Variants in THAP4 observed in about 807,000 individuals in gnomAD.
THAP4 encodes peroxynitrite isomerase THAP4.
THAP4 carries 18 observed loss-of-function variants against 48.1 expected under a neutral mutation model. The ratio of observed to expected loss-of-function variants is 0.37; its 90% CI spans 0.26 to 0.56. THAP4 has a LOEUF of 0.56. Ranked by LOEUF, THAP4 falls within the 20% of genes least tolerant of loss-of-function variation. The pLI, the probability that THAP4 is intolerant of heterozygous loss-of-function variation, is 0.78. For synonymous variants in THAP4, 345 were observed against 324.9 expected (o/e 1.06, Z -0.66); for missense variants, 656 against 774.9 (o/e 0.85, Z 1.82).
At chr2:241,637,348 G>C, upstream of THAP4, 1 of 1,308,728 alleles carries the variant, frequency 7.6e-7, no homozygotes, top group Non-Finnish European at 9.9e-7. Context: ...TGGGCGCGCC[G>C]AGCACGTCCG....
intron 5 of THAP4, among the ~76,000 whole-genome samples, chr2:241,589,243 C>A (rs953017989): frequency 6.6e-6 from 1 of 150,720 alleles, no homozygotes; most frequent in African/African-American, 2.4e-5. Flanking sequence ...AAAGAAACCC[C>A]CCACCCCCAC....
rs531630187 is a variant in THAP4 at position 241,613,007 on chromosome 2, G to A, written c.1241-6534C>T. On this transcript the variant is annotated intron_variant, in intron 2 of 5. Coordinates refer to ENST00000407315, the MANE Select transcript of THAP4 (RefSeq NM_015963.6). ...GTTGAAATAATTTTTAGATAATATC[G>A]GGTTAAATAAAATATATTATTAAAA... Among the ~76,000 whole-genome samples the A allele has an allele frequency of 1.4e-4, 21 of 152,142 alleles. No homozygotes were observed. The South Asian group carries it at 3.1e-3, about 23-fold the overall frequency.
chr2:241,595,235 G>A (rs576423864), intron 5 of THAP4, among the ~76,000 whole-genome samples: 2 of 152,048 alleles, frequency 1.3e-5, no homozygotes, highest in Non-Finnish European at 2.9e-5. Context: ...GGCTGGTCTC[G>A]AATTCCTGAC....
At chr2:241,603,188 A>T in intron 3 of THAP4, 109 bp from the exon 4 acceptor site, 1 of 773,608 alleles carries the variant, frequency 1.3e-6, no homozygotes, top group Non-Finnish European at 2.2e-6. Flanking sequence ...TGCTCCAGCC[A>T]CACCCGCACA....
Position 241,615,231 on chromosome 2 carries a change from T to C in THAP4, c.1241-8758A>G, listed in dbSNP as rs544366146. Among the ~76,000 whole-genome samples the C allele has an allele frequency of 6.8e-4, 104 of 152,246 alleles. 2 individuals are homozygous for C. The South Asian group carries it at 0.021, about 31-fold the overall frequency. ...TTGGAGGGGAGTGCAAAGGAGAACC[T>C]GGACCGCTGGACGTGGGTGTGGCTG... On this transcript the variant is annotated intron_variant, in intron 2 of 5. Coordinates refer to ENST00000407315, the MANE Select transcript of THAP4 (RefSeq NM_015963.6).
rs1486316117 is a variant in THAP4, at chr2:241,633,585, T to C, written c.572A>G (p.Glu191Gly). The C allele has an allele frequency of 6.2e-7, 1 of 1,613,634 alleles. No homozygotes were observed. Among genetic ancestry groups the C allele is most frequent in the Non-Finnish European group, 8.5e-7 (1 of 1,179,906 alleles). The change falls in exon 2 of 6, where the codon GAA (glutamate) becomes GGA (glycine). Residue 191 changes from glutamate (E) to glycine (G), a missense_variant. This residue lies in a region of THAP4 where 391 missense variants were observed against 412.4 expected (regional missense o/e 0.95). Transcript: ENST00000407315. The surrounding 1 kb of genome is among the most constrained non-coding windows in gnomAD (Gnocchi z 7.5). ...ATCGCCAGCATCTGTGGCAGACGCT[T>C]CTGCTTTTCCCTGACTGCCTGCCAC... is the stretch of plus-strand genomic sequence containing the variant. ...TMVAGSQGKAEASATDAGDES... is the reference protein window; with the variant it reads ...TMVAGSQGKAGASATDAGDES...
rs1412674646 is a variant in THAP4 at position 241,610,822 on chromosome 2, G to GGACAGAGACACAGA, written c.1241-4363_1241-4350dup. Among the ~76,000 whole-genome samples the GGACAGAGACACAGA allele has an allele frequency of 2.0e-5, 3 of 151,884 alleles. No homozygotes were observed. The highest frequency in any genetic ancestry group is 4.4e-5 in the Non-Finnish European group (3 of 67,998). ...CCAGGGACAGCGAGAGACGGGACGG[G>GGACAGAGACACAGA]GACAGAGACACAGAGACAGAGAGAC... On this transcript the variant is annotated intron_variant, in intron 2 of 5. Transcript: ENST00000407315. This position sits in a 1 kb window ranked among gnomAD's most constrained non-coding sequence, Gnocchi z 4.2.
At chr2:241,591,597 C>T (rs1386344565) in intron 5 of THAP4, among the ~76,000 whole-genome samples, 1 of 152,118 alleles carries the variant, frequency 6.6e-6, no homozygotes, top group East Asian at 1.9e-4. Flanking sequence ...TACTGAGGGG[C>T]TCAGGGGGCA....
chr2:241,636,970 C>T lies in THAP4; in HGVS notation c.48G>A (p.Lys16=), dbSNP rs764661550. The change falls in exon 1 of 6, where the codon AAG becomes AAA. Residue 16 remains lysine, a synonymous_variant. Coordinates refer to ENST00000407315, the MANE Select transcript of THAP4 (RefSeq NM_015963.6). ...AAVNCSNRQG[K]GEKRAVSFHR... ...GGAAGGAGACGGCGCGCTTCTCGCC[C>T]TTTCCCTGCCGGTTGGAGCAGTTCA... 6.8e-6 allele frequency: 9 copies of T among 1,321,928 alleles called. No homozygotes were observed. The highest frequency in any genetic ancestry group is 5.0e-5 in the South Asian group (4 of 79,548). The allele number at this position is 1,321,928 out of a possible 1,614,324, so 81.9% of individuals were successfully genotyped here.
chr2:241,619,918 G>C (rs1260519659), intron 2 of THAP4, among the ~76,000 whole-genome samples: 1 of 105,288 alleles, frequency 9.5e-6, no homozygotes, highest in Admixed American at 9.0e-5. Context: ...GGTGAATGAG[G>C]GGTGAGTGAG....
intron 2 of THAP4, among the ~76,000 whole-genome samples, chr2:241,632,213 C>T (rs1378118574): frequency 6.6e-6 from 1 of 152,146 alleles, no homozygotes; most frequent in Non-Finnish European, 1.5e-5. Context: ...CTGCCCCAGC[C>T]TCCCCAATAA....
intron 5 of THAP4, among the ~76,000 whole-genome samples, chr2:241,589,016 G>C (rs1368744683): frequency 6.6e-6 from 1 of 151,974 alleles, no homozygotes; most frequent in Non-Finnish European, 1.5e-5. Flanking sequence ...GGTCGAGACC[G>C]GCCTGGCCAA....
intron 2 of THAP4, among the ~76,000 whole-genome samples, chr2:241,613,703 C>A (rs772378007): frequency 6.6e-6 from 1 of 152,028 alleles, no homozygotes; most frequent in Non-Finnish European, 1.5e-5. Flanking sequence ...CGCAATGAGC[C>A]GAGAGCACAT....
In THAP4 at chr2:241,601,258, A is replaced by G. The variant is rs531912159; in HGVS notation, c.1614+638T>C. On this transcript the variant is annotated intron_variant, in intron 5 of 5. Transcript: ENST00000407315. The surrounding 1 kb of genome is among the most constrained non-coding windows in gnomAD (Gnocchi z 4.0). ...CCACCTTTGCATTCCAGCCTGGGCA[A>G]CAGAGCGAAACTCCGCCTCAAAAAA... is the stretch of plus-strand genomic sequence containing the variant. Among the ~76,000 whole-genome samples, 9 of 152,338 alleles carry G rather than the reference A, an allele frequency of 5.9e-5. No homozygotes were observed. The highest frequency in any genetic ancestry group is 2.2e-4 in the African/African-American group (9 of 41,592).
intron 2 of THAP4, among the ~76,000 whole-genome samples, chr2:241,623,171 T>C (rs942326681): frequency 6.6e-6 from 1 of 151,982 alleles, no homozygotes; most frequent in Non-Finnish European, 1.5e-5. Context: ...GAGCCAACGT[T>C]GCACCACAGC....
intron 2 of THAP4, among the ~76,000 whole-genome samples, chr2:241,615,321 C>T (rs1417248391): frequency 1.3e-5 from 2 of 151,954 alleles, no homozygotes; most frequent in African/African-American, 2.4e-5. Flanking sequence ...TTCACTTATG[C>T]GAATTACACC....
intron 5 of THAP4, among the ~76,000 whole-genome samples, chr2:241,598,875 C>G (rs190160883): frequency 6.6e-4 from 100 of 152,008 alleles, no homozygotes; most frequent in Admixed American, 5.9e-4. Context: ...GAAACTGAAT[C>G]TTCTTAACCT....
chr2:241,589,608 G>A (rs1042980410), intron 5 of THAP4, among the ~76,000 whole-genome samples: 37 of 152,218 alleles, frequency 2.4e-4, no homozygotes, highest in African/African-American at 8.9e-4. Flanking sequence ...CAACCTTGCT[G>A]GGGTGTCAAG....
chr2:241,614,979 AT>A (rs1450185016), intron 2 of THAP4, among the ~76,000 whole-genome samples: 1 of 152,212 alleles, frequency 6.6e-6, no homozygotes, highest in Admixed American at 6.5e-5. Flanking sequence ...GGCCTTCTAA[AT>A]GGTCAAAGAA....
Sources: gnomAD v4.1 joint callset for allele counts (sites outside exome capture counted in the v4.1 genomes callset) on GRCh38, gnomAD v4.1.1 for gene constraint, gnomAD v4.1.1 regional missense constraint, Gnocchi (gnomAD v3.1) non-coding constraint, MANE v1.5 for transcripts, NCBI Gene and HGNC (gene_info 2026-07-23, HGNC 2026-07-21) for gene names.